Variants in LDHC observed in about 807,000 individuals in gnomAD.
LDHC encodes L-lactate dehydrogenase C chain.
Under a neutral mutation model 30.2 loss-of-function variants are expected in LDHC, and 20 were observed. That is an observed-to-expected ratio of 0.66 (90% CI 0.47 to 0.96). LDHC has a LOEUF of 0.96. Ranked by LOEUF, LDHC falls within the 40% of genes least tolerant of loss-of-function variation. LDHC has a pLI of 0.00. For synonymous variants in LDHC, 139 were observed against 132.7 expected (o/e 1.05, Z -0.32); for missense variants, 362 against 394.9 (o/e 0.92, Z 0.71).
At position 18,430,604 on chromosome 11, in the gene LDHC, T is replaced by C. The variant is rs80249477; in HGVS notation, c.418+694T>C. 3.1e-3 allele frequency among the ~76,000 whole-genome samples: 479 copies of C among 152,286 alleles called. 5 individuals are homozygous for C. The highest frequency in any genetic ancestry group is 0.011 in the African/African-American group (463 of 41,568). ...CCGGAACTCCTAAGCTCAGGCAGTC[T>C]ACTCGCCTTGGCCTCCTAAAGTGCT... On this transcript the variant is annotated intron_variant, in intron 4 of 7. Coordinates refer to ENST00000541669, the MANE Select transcript of LDHC (RefSeq NM_017448.5).
chr11:18,431,776 C>G (rs1848271100), intron 4 of LDHC, among the ~76,000 whole-genome samples: 2 of 152,136 alleles, frequency 1.3e-5, no homozygotes, highest in Non-Finnish European at 2.9e-5. Context: ...GTCTCAAACT[C>G]CTGACCTCAG....
At chr11:18,423,678 GAC>G (rs1848107195) in intron 3 of LDHC, among the ~76,000 whole-genome samples, 1 of 151,844 alleles carries the variant, frequency 6.6e-6, no homozygotes, top group Non-Finnish European at 1.5e-5. Context: ...TAAACACAAA[GAC>G]ACAAAAAGCA....
intron 3 of LDHC, among the ~76,000 whole-genome samples, chr11:18,418,513 T>G (rs1867063298): frequency 6.6e-6 from 1 of 151,868 alleles, no homozygotes; most frequent in African/African-American, 2.4e-5. Context: ...CACTGCAACC[T>G]CCACCTCCCA....
chr11:18,412,349 T>C lies in LDHC; in HGVS notation c.-69T>C, dbSNP rs1239884957. The stretch of plus-strand genomic sequence containing the variant: ...CACGGAGGGCAACCGTCGACGGGCT[T>C]AGCGCCTCAACTGTCGTTGGTGTAT... On this transcript the variant is annotated 5_prime_UTR_variant, in exon 1 of 8. Transcript: ENST00000541669. 1 of 169,652 alleles carries C rather than the reference T, an allele frequency of 5.9e-6. No homozygotes were observed. The highest frequency in any genetic ancestry group is 1.7e-4 in the East Asian group (1 of 5,952). 10.5% of individuals were successfully genotyped at this position (169,652 alleles called of 1,614,324 possible).
chr11:18,446,287 T>C lies in LDHC; in HGVS notation c.788T>C (p.Ile263Thr). The change falls in exon 7 of 8, where the codon ATT (isoleucine) becomes ACT (threonine). Residue 263 changes from isoleucine to threonine, a missense_variant. Physicochemically the swap from Ile to Thr is moderately conservative, Grantham distance 89. Coordinates refer to ENST00000541669, the MANE Select transcript of LDHC (RefSeq NM_017448.5). Reference protein sequence around the residue: ...GLSVMDLVGSILKNLRRVHPV... With the variant: ...GLSVMDLVGSTLKNLRRVHPV... ...TCTGTGATGGATTTGGTAGGATCCATTTTGAAAAATCTTAGGAGAGTGCAC... is the reference window on the plus strand; with the variant it reads ...TCTGTGATGGATTTGGTAGGATCCACTTTGAAAAATCTTAGGAGAGTGCAC... 6.2e-7 allele frequency: 1 copy of C among 1,607,596 alleles called. No individual in the cohort carries two copies. The highest frequency in any genetic ancestry group is 1.3e-5 in the African/African-American group (1 of 74,886).
At chr11:18,446,173 A>T in intron 6 of LDHC, 37 bp from the exon 7 acceptor site, 1 of 1,548,566 alleles carries the variant, frequency 6.5e-7, no homozygotes, top group Non-Finnish European at 8.9e-7. Context: ...GGGTTGACTT[A>T]TTATGAATTT....
intron 3 of LDHC, among the ~76,000 whole-genome samples, chr11:18,426,710 TA>T (rs1233968895): frequency 5.9e-5 from 9 of 152,186 alleles, no homozygotes; most frequent in South Asian, 2.1e-4. Context: ...GTAAGTGCTA[TA>T]AAAAAATTCT....
At chr11:18,416,578 T>C (rs1867026632) in intron 3 of LDHC, among the ~76,000 whole-genome samples, 2 of 152,150 alleles carry the variant, frequency 1.3e-5, no homozygotes, top group South Asian at 2.1e-4. Context: ...AACATACACA[T>C]GTAGATAAAA....
intron 6 of LDHC, among the ~76,000 whole-genome samples, chr11:18,444,267 C>T (rs1848512908): frequency 6.6e-6 from 1 of 152,036 alleles, no homozygotes; most frequent in Admixed American, 6.6e-5. Context: ...CTATTCTCAA[C>T]TTTCTTCTGT....
At chr11:18,449,904 C>G (rs1848626654) in intron 7 of LDHC, among the ~76,000 whole-genome samples, 1 of 152,092 alleles carries the variant, frequency 6.6e-6, no homozygotes. Context: ...CAACGCCATT[C>G]CTGGTAACTG....
intron 7 of LDHC, among the ~76,000 whole-genome samples, chr11:18,446,948 T>C (rs762632818): frequency 2.0e-5 from 3 of 152,094 alleles, no homozygotes; most frequent in Admixed American, 2.0e-4. Context: ...AAGATGCTTA[T>C]AGTAAAGATC....
At position 18,412,844 on chromosome 11, in the gene LDHC, GT is replaced by G. The variant is rs1207846934; in HGVS notation, c.126+2del. 6.2e-7 allele frequency: 1 copy of G among 1,612,278 alleles called. No individual in the cohort carries two copies. The highest frequency in any genetic ancestry group is 1.1e-5 in the South Asian group (1 of 90,746). On this transcript the variant is annotated splice_donor_variant, in intron 2 of 7. Transcript: ENST00000541669. LOFTEE classifies it high-confidence loss of function. ...TTGTGCTATTAGTATCTTACTGAAG[GT>G]GAGTGAGAAGCCCATCCTGTGGCTG... is the stretch of plus-strand genomic sequence containing the variant.
chr11:18,446,201 C>T lies in LDHC; in HGVS notation c.711-9C>T, dbSNP rs1487135768. On this transcript the variant is annotated splice_polypyrimidine_tract_variant and intron_variant, in intron 6 of 7. Transcript: ENST00000541669. ...ATGAATTTGATTTTCTTACTTTCTA[C>T]AACTGTAGTGCCTATGAAATTATCA... 6.3e-7 allele frequency: 1 copy of T among 1,594,914 alleles called. No individual in the cohort carries two copies. The highest frequency in any genetic ancestry group is 8.6e-7 in the Non-Finnish European group (1 of 1,164,072).
intron 7 of LDHC, among the ~76,000 whole-genome samples, chr11:18,448,992 G>C (rs2133849466): frequency 6.6e-6 from 1 of 152,278 alleles, no homozygotes. Flanking sequence ...GCAGTCCTCA[G>C]ATGGCATGAT....
intron 6 of LDHC, among the ~76,000 whole-genome samples, chr11:18,443,659 C>T (rs1034989171): frequency 1.3e-5 from 2 of 152,058 alleles, no homozygotes; most frequent in Non-Finnish European, 2.9e-5. Context: ...GGGGTTTCAC[C>T]ATGTTGCCCA....
In LDHC at chr11:18,412,616, C is replaced by CT. The variant is rs963798808; in HGVS notation, c.-9-93_-9-92insT. ...CAGGAAATTCTTTCTTTGGCTTCCC[C>CT]CCATCCCCGGCTCCAACATTCTGCA... is the stretch of plus-strand genomic sequence containing the variant. On this transcript the variant is annotated intron_variant, in intron 1 of 7. Transcript: ENST00000541669. 7.4e-5 allele frequency: 87 copies of CT among 1,182,050 alleles called. No individual in the cohort carries two copies. The African/African-American group carries it at 1.1e-3, about 15-fold the overall frequency. The allele number at this position is 1,182,050 out of a possible 1,614,324, so 73.2% of individuals were successfully genotyped here.
At chr11:18,423,141 A>G (rs1413008630) in intron 3 of LDHC, among the ~76,000 whole-genome samples, 3 of 152,146 alleles carry the variant, frequency 2.0e-5, no homozygotes, top group African/African-American at 4.8e-5. Flanking sequence ...CCTGGCCAAC[A>G]TGGTGAAACC....
chr11:18,419,342 G>C (rs1203057389), intron 3 of LDHC, among the ~76,000 whole-genome samples: 3 of 152,172 alleles, frequency 2.0e-5, no homozygotes, highest in African/African-American at 7.2e-5. Context: ...GAACTATACC[G>C]TTAATGTAAT....
At chr11:18,433,369 G>C (rs958735971) in intron 4 of LDHC, among the ~76,000 whole-genome samples, 4 of 150,186 alleles carry the variant, frequency 2.7e-5, no homozygotes, top group African/African-American at 9.8e-5. Context: ...CTGGGCAACA[G>C]AGCAAGACTC....
Sources: gnomAD v4.1 joint callset for allele counts (sites outside exome capture counted in the v4.1 genomes callset) on GRCh38, gnomAD v4.1.1 for gene constraint, MANE v1.5 for transcripts, NCBI Gene and HGNC (gene_info 2026-07-23, HGNC 2026-07-21) for gene names.